Variants in NRG3 observed in about 807,000 individuals in gnomAD.
The protein encoded by NRG3 is neuregulin 3, also known as pro-neuregulin-3, membrane-bound isoform.
A neutral mutation model predicts 66.9 loss-of-function variants in NRG3; 31 were observed. The ratio of observed to expected loss-of-function variants is 0.46; its 90% CI spans 0.35 to 0.63. The LOEUF is 0.63. Among genes scored for constraint, NRG3 ranks in the 20% least tolerant of loss-of-function variants. NRG3 has a pLI of 0.00. For synonymous variants in NRG3, 393 were observed against 359.4 expected (o/e 1.09, Z -1.06); for missense variants, 910 against 878.9 (o/e 1.04, Z -0.45).
intron 3 of NRG3, among the ~76,000 whole-genome samples, chr10:82,827,517 T>C (rs1444585210): frequency 1.3e-5 from 2 of 152,174 alleles, no homozygotes; most frequent in Non-Finnish European, 2.9e-5. Context: ...GAAAGTATTA[T>C]AATAATTGCA....
At chr10:82,064,935 T>C (rs1029413500) in intron 1 of NRG3, among the ~76,000 whole-genome samples, 2 of 152,246 alleles carry the variant, frequency 1.3e-5, no homozygotes, top group Non-Finnish European at 2.9e-5. Context: ...CAACTATTCA[T>C]GCACACATAA....
At chr10:82,778,050 C>A (rs1273847168) in intron 3 of NRG3, among the ~76,000 whole-genome samples, 2 of 152,154 alleles carry the variant, frequency 1.3e-5, no homozygotes, top group Non-Finnish European at 2.9e-5. Flanking sequence ...GGGAAGGGTG[C>A]CTGTTAACTC....
chr10:82,208,324 A>C (rs2075228965), intron 1 of NRG3, among the ~76,000 whole-genome samples: 1 of 152,150 alleles, frequency 6.6e-6, no homozygotes, highest in African/African-American at 2.4e-5. Context: ...TTTCATTTTT[A>C]CCGTAATCAA....
intron 1 of NRG3, among the ~76,000 whole-genome samples, chr10:82,156,410 T>G (rs1360668973): frequency 6.6e-6 from 1 of 151,614 alleles, no homozygotes; most frequent in African/African-American, 2.4e-5. Flanking sequence ...ATCTATAGAT[T>G]AAAATTTGTC....
chr10:82,810,765 C>G (rs963580923), intron 3 of NRG3, among the ~76,000 whole-genome samples: 5 of 146,948 alleles, frequency 3.4e-5, no homozygotes, highest in Non-Finnish European at 7.5e-5. Context: ...AAAGAAGAAG[C>G]GACTGCAATA....
intron 1 of NRG3, among the ~76,000 whole-genome samples, chr10:82,255,070 C>T (rs907637313): frequency 2.0e-5 from 3 of 152,190 alleles, no homozygotes; most frequent in Admixed American, 6.5e-5. Context: ...AAGGTCAATA[C>T]TCACAATCAT....
At chr10:81,959,891 A>AT (rs1254900712) in intron 1 of NRG3, among the ~76,000 whole-genome samples, 1 of 151,892 alleles carries the variant, frequency 6.6e-6, no homozygotes, top group African/African-American at 2.4e-5. Flanking sequence ...AAGTTTATTT[A>AT]TTTTTTCCCT....
intron 2 of NRG3, among the ~76,000 whole-genome samples, chr10:82,715,807 G>A (rs1335184999): frequency 1.3e-5 from 2 of 152,040 alleles, no homozygotes; most frequent in Non-Finnish European, 2.9e-5. Flanking sequence ...TCACAGTTCT[G>A]GAGGCTGGAG....
intron 1 of NRG3, among the ~76,000 whole-genome samples, chr10:82,171,606 A>G (rs1197598884): frequency 6.6e-6 from 1 of 152,132 alleles, no homozygotes; most frequent in Non-Finnish European, 1.5e-5. Flanking sequence ...GCTTAAGCAA[A>G]ATAGAACTAC....
intron 1 of NRG3, among the ~76,000 whole-genome samples, chr10:82,300,652 C>T (rs927637944): frequency 6.6e-6 from 1 of 152,016 alleles, no homozygotes; most frequent in Non-Finnish European, 1.5e-5. Flanking sequence ...AACTGAAGTG[C>T]GAGGAGTGGC....
chr10:82,775,747 G>T (rs1394243956), intron 3 of NRG3, among the ~76,000 whole-genome samples: 2 of 152,072 alleles, frequency 1.3e-5, no homozygotes, highest in Non-Finnish European at 2.9e-5. Flanking sequence ...AGGTATTGAA[G>T]TTCCCTACTA....
intron 4 of NRG3, among the ~76,000 whole-genome samples, chr10:82,885,217 C>T (rs1333008495): frequency 6.6e-6 from 1 of 152,156 alleles, no homozygotes; most frequent in Non-Finnish European, 1.5e-5. Context: ...ATATATTTTA[C>T]TACAGAGAAC....
chr10:82,055,165 C>A (rs1053506134), intron 1 of NRG3, among the ~76,000 whole-genome samples: 2 of 151,900 alleles, frequency 1.3e-5, no homozygotes, highest in Non-Finnish European at 2.9e-5. Flanking sequence ...ATAGAGAGGT[C>A]ATTGGTGATC....
intron 1 of NRG3, among the ~76,000 whole-genome samples, chr10:82,204,518 T>C (rs186769696): frequency 1.3e-5 from 2 of 152,296 alleles, no homozygotes; most frequent in Admixed American, 6.5e-5. Context: ...TTTCCTTTAC[T>C]GGCAGCATGT....
intron 1 of NRG3, among the ~76,000 whole-genome samples, chr10:82,244,193 A>G (rs923852787): frequency 6.6e-6 from 1 of 152,186 alleles, no homozygotes; most frequent in Non-Finnish European, 1.5e-5. Context: ...GACAGTGACA[A>G]TAGCATTCGT....
At chr10:82,409,502 A>G (rs1240413658) in intron 2 of NRG3, among the ~76,000 whole-genome samples, 2 of 152,160 alleles carry the variant, frequency 1.3e-5, no homozygotes, top group African/African-American at 2.4e-5. Context: ...TGGGTAGAAA[A>G]TATTAATAGT....
intron 1 of NRG3, among the ~76,000 whole-genome samples, chr10:81,955,097 A>G (rs1849698128): frequency 6.7e-6 from 1 of 149,434 alleles, no homozygotes; most frequent in South Asian, 2.1e-4. Flanking sequence ...TATAAAATAT[A>G]TGTTTGTTCT....
intron 6 of NRG3, among the ~76,000 whole-genome samples, chr10:82,972,162 G>C (rs1564680821): frequency 6.6e-6 from 1 of 151,826 alleles, no homozygotes; most frequent in Non-Finnish European, 1.5e-5. Flanking sequence ...ATTAATATTA[G>C]TTTAGTTTTT....
At chr10:81,928,928 C>T (rs1474006872) in intron 1 of NRG3, among the ~76,000 whole-genome samples, 1 of 152,020 alleles carries the variant, frequency 6.6e-6, no homozygotes, top group Non-Finnish European at 1.5e-5. Flanking sequence ...CCCAAGTGAT[C>T]CTCCCACCTG....
Sources: allele counts gnomAD v4.1 joint callset (sites outside exome capture counted in the v4.1 genomes callset), GRCh38; gene constraint gnomAD v4.1.1; transcripts MANE v1.5; gene names NCBI Gene and HGNC (gene_info 2026-07-23, HGNC 2026-07-21).